Variants in LRMDA observed in about 807,000 individuals in gnomAD.
The protein encoded by LRMDA is leucine-rich melanocyte differentiation-associated protein.
A neutral mutation model predicts 29.8 loss-of-function variants in LRMDA; 18 were observed. The observed-to-expected ratio is 0.60, with a 90% CI of 0.42 to 0.90. The LOEUF is 0.90. LRMDA is among the 40% of genes least tolerant of loss of function. The pLI is 0.00. For missense variants in LRMDA, 273 were observed against 273.9 expected (o/e 1.00, Z 0.02); for synonymous variants, 125 against 109.4 (o/e 1.14, Z -0.89).
chr10:75,926,722 C>G (rs1416220152), intron 2 of LRMDA, among the ~76,000 whole-genome samples: 1 of 152,210 alleles, frequency 6.6e-6, no homozygotes, highest in East Asian at 1.9e-4. Flanking sequence ...AGCACCCACT[C>G]ATGCTGCTGT....
intron 2 of LRMDA, among the ~76,000 whole-genome samples, chr10:75,854,298 G>C (rs1383508480): frequency 3.3e-5 from 5 of 152,070 alleles, no homozygotes; most frequent in African/African-American, 1.2e-4. Context: ...CTTTGCTTGG[G>C]TGATATTCCC....
intron 2 of LRMDA, among the ~76,000 whole-genome samples, chr10:75,872,633 T>C (rs1276002765): frequency 2.6e-5 from 4 of 152,184 alleles, no homozygotes; most frequent in African/African-American, 9.7e-5. Context: ...TCTCCAAACA[T>C]GTTACATGTT....
At position 75,942,682 on chromosome 10, in the gene LRMDA, T is replaced by C. The variant is rs367573693; in HGVS notation, c.132-93326T>C. On this transcript the variant is annotated intron_variant, in intron 2 of 6. Coordinates refer to ENST00000611255, the MANE Select transcript of LRMDA (RefSeq NM_001305581.2). ...TGATGCCCTGGAGGATTTGGCCTGG[T>C]CAACTTCTCATCAATTAATGTGCTG... Among the ~76,000 whole-genome samples, 7 of 152,186 alleles carry C rather than the reference T, an allele frequency of 4.6e-5. 1 individual carries two copies. In the South Asian group the frequency reaches 1.4e-3, roughly 32 times the overall value.
rs142005561 is a variant in LRMDA at position 75,453,947 on chromosome 10, A to G, written c.131+15453A>G. ...GTGACACAGGAACCTTGTGAACTGAAGGCCCCAAAACCCAGGGAATATGAT... is the reference window on the plus strand; with the variant it reads ...GTGACACAGGAACCTTGTGAACTGAGGGCCCCAAAACCCAGGGAATATGAT... On this transcript the variant is annotated intron_variant, in intron 2 of 6. Transcript: ENST00000611255. Among the ~76,000 whole-genome samples the G allele has an allele frequency of 7.2e-5, 11 of 152,374 alleles. No homozygotes were observed. The East Asian group carries it at 1.9e-3, about 27-fold the overall frequency.
intron 5 of LRMDA, among the ~76,000 whole-genome samples, chr10:76,085,177 G>C (rs901480991): frequency 2.0e-5 from 3 of 152,182 alleles, no homozygotes; most frequent in Admixed American, 1.3e-4. Context: ...ACCAATGACA[G>C]AGACGTGACA....
At chr10:75,582,065 C>T (rs1265630030) in intron 2 of LRMDA, among the ~76,000 whole-genome samples, 1 of 152,120 alleles carries the variant, frequency 6.6e-6, no homozygotes, top group Non-Finnish European at 1.5e-5. Flanking sequence ...GTTCAGCTCC[C>T]ACAGCTACTG....
chr10:76,138,510 C>T (rs905560705), intron 5 of LRMDA, among the ~76,000 whole-genome samples: 7 of 152,150 alleles, frequency 4.6e-5, no homozygotes, highest in East Asian at 1.9e-4. Context: ...CCTGGCCAAG[C>T]GAGAACAAAT....
chr10:76,538,932 T>C (rs1477551557), intron 6 of LRMDA, among the ~76,000 whole-genome samples: 1 of 152,152 alleles, frequency 6.6e-6, no homozygotes, highest in Non-Finnish European at 1.5e-5. Flanking sequence ...TTTCCTTTTC[T>C]TTTTTCTTTC....
chr10:76,363,174 A>AAAG (rs1554815855), intron 6 of LRMDA, among the ~76,000 whole-genome samples: 7 of 18,388 alleles, frequency 3.8e-4, no homozygotes, highest in South Asian at 1.6e-3. Flanking sequence ...AGAAAGAAAG[A>AAAG]AAGGAGGGAG....
At position 76,284,389 on chromosome 10, in the gene LRMDA, A is replaced by G. The variant is rs538113504; in HGVS notation, c.517-40012A>G. On this transcript the variant is annotated intron_variant, in intron 5 of 6. Transcript: ENST00000611255. Reference sequence around the variant, plus strand: ...GAGCCAGGGGTGCAAGACAGGGAACACAGGCAGCCACTAGGAGCTGGGAAA... The same window carrying G: ...GAGCCAGGGGTGCAAGACAGGGAACGCAGGCAGCCACTAGGAGCTGGGAAA... 2.6e-5 allele frequency among the ~76,000 whole-genome samples: 4 copies of G among 152,258 alleles called. No homozygotes were observed. The East Asian group carries it at 7.8e-4, about 30-fold the overall frequency.
At chr10:75,796,732 C>T (rs1173194180) in intron 2 of LRMDA, among the ~76,000 whole-genome samples, 1 of 152,176 alleles carries the variant, frequency 6.6e-6, no homozygotes, top group Non-Finnish European at 1.5e-5. Context: ...GCCACCACGC[C>T]TGGCTAATTA....
intron 2 of LRMDA, among the ~76,000 whole-genome samples, chr10:75,965,764 G>C (rs1846848614): frequency 1.3e-5 from 2 of 152,200 alleles, no homozygotes; most frequent in East Asian, 1.9e-4. Context: ...CTAGTCTTGG[G>C]CTTAGTGAAA....
chr10:75,531,542 T>C (rs1845478443), intron 2 of LRMDA, among the ~76,000 whole-genome samples: 1 of 152,134 alleles, frequency 6.6e-6, no homozygotes, highest in East Asian at 1.9e-4. Flanking sequence ...GAATATGTGG[T>C]GATGACTGGT....
At chr10:76,008,146 T>G (rs896829592) in intron 2 of LRMDA, among the ~76,000 whole-genome samples, 4 of 152,158 alleles carry the variant, frequency 2.6e-5, no homozygotes, top group Non-Finnish European at 4.4e-5. Flanking sequence ...AAACTCCCAT[T>G]GCCGGGGTGT....
intron 2 of LRMDA, among the ~76,000 whole-genome samples, chr10:75,669,942 C>A (rs888581364): frequency 6.6e-6 from 1 of 152,272 alleles, no homozygotes; most frequent in Non-Finnish European, 1.5e-5. Flanking sequence ...ATGAGAAGTA[C>A]ACTTAAGGCC....
intron 5 of LRMDA, among the ~76,000 whole-genome samples, chr10:76,205,615 T>C (rs1377271194): frequency 6.6e-6 from 1 of 152,190 alleles, no homozygotes; most frequent in Non-Finnish European, 1.5e-5. Flanking sequence ...ATCATAATGC[T>C]ACTGAGAAAG....
At chr10:75,941,686 G>A (rs921568924) in intron 2 of LRMDA, among the ~76,000 whole-genome samples, 1 of 152,136 alleles carries the variant, frequency 6.6e-6, no homozygotes, top group Non-Finnish European at 1.5e-5. Context: ...AGAGTATCCT[G>A]TGATCTGGTA....
At chr10:76,246,316 G>A (rs961808382) in intron 5 of LRMDA, among the ~76,000 whole-genome samples, 2 of 152,196 alleles carry the variant, frequency 1.3e-5, no homozygotes, top group African/African-American at 4.8e-5. Flanking sequence ...TAGCCTTGTG[G>A]TCATATCAGA....
chr10:75,640,979 G>A (rs1203339168), intron 2 of LRMDA, among the ~76,000 whole-genome samples: 2 of 152,182 alleles, frequency 1.3e-5, no homozygotes, highest in Non-Finnish European at 2.9e-5. Context: ...TGTGATTGCA[G>A]GGCCCTGGTG....
Sources: gnomAD v4.1 joint callset for allele counts (sites outside exome capture counted in the v4.1 genomes callset) on GRCh38, gnomAD v4.1.1 for gene constraint, MANE v1.5 for transcripts, NCBI Gene and HGNC (gene_info 2026-07-23, HGNC 2026-07-21) for gene names.